Variants in IL4I1 observed in about 807,000 individuals in gnomAD.
IL4I1 encodes L-amino-acid oxidase.
Under a neutral mutation model 29.7 loss-of-function variants are expected in IL4I1, and 24 were observed. The observed-to-expected ratio is 0.81, with a 90% confidence interval of 0.59 to 1.14. IL4I1 has a LOEUF of 1.14. Ranked by LOEUF, IL4I1 falls within the 50% of genes most tolerant of loss-of-function variation. The pLI, the probability that IL4I1 is intolerant of heterozygous loss-of-function variation, is 0.00. For synonymous variants in IL4I1, 371 were observed against 352.5 expected (o/e 1.05, Z -0.59); for missense variants, 686 against 785.6 (o/e 0.87, Z 1.52).
chr19:49,908,719 G>A lies in IL4I1; in HGVS notation c.-227-4398C>T, dbSNP rs200401570. The stretch of plus-strand genomic sequence containing the variant: ...TCTTTTCTCCATTCTCGATCAGCGT[G>A]CGGTCCCAGGCGTTGACCTGGGTGG... On this transcript the variant is annotated intron_variant, in intron 2 of 9. Transcript: ENST00000341114. 18 of 1,612,846 alleles carry A rather than the reference G, an allele frequency of 1.1e-5. No homozygotes were observed. The highest frequency in any genetic ancestry group is 1.5e-5 in the Non-Finnish European group (18 of 1,180,050).
intron 3 of IL4I1, among the ~76,000 whole-genome samples, chr19:49,903,696 T>C (rs2075290197): frequency 6.6e-6 from 1 of 152,174 alleles, no homozygotes; most frequent in African/African-American, 2.4e-5. Flanking sequence ...ATTTACATTT[T>C]CAGGAGTTTT....
chr19:49,913,392 AC>A (rs1236656552), intron 2 of IL4I1, among the ~76,000 whole-genome samples: 1 of 152,008 alleles, frequency 6.6e-6, no homozygotes, highest in African/African-American at 2.4e-5. Context: ...GCCCCAGGCC[AC>A]TCTAGAGAGT....
At chr19:49,910,891 G>A (rs1376693542) in intron 2 of IL4I1, among the ~76,000 whole-genome samples, 3 of 152,152 alleles carry the variant, frequency 2.0e-5, no homozygotes, top group African/African-American at 2.4e-5. Context: ...GTGAGAGGGA[G>A]TGCTGAATAG....
intron 2 of IL4I1, among the ~76,000 whole-genome samples, chr19:49,925,930 C>T (rs1024317251): frequency 1.3e-5 from 2 of 152,118 alleles, no homozygotes; most frequent in South Asian, 4.1e-4. Context: ...AAATAACCCC[C>T]TTGGGTACGG....
At chr19:49,929,304 C>T (rs1450383031) in intron 1 of IL4I1, 6 of 154,554 alleles carry the variant, frequency 3.9e-5, no homozygotes, top group African/African-American at 1.4e-4. Context: ...CCTTTGTGCC[C>T]CCGGCCCGTC....
intron 5 of IL4I1, among the ~76,000 whole-genome samples, chr19:49,893,853 GGCGGGCGCCTGTAATCCCA>G (rs1282918624): frequency 6.6e-6 from 1 of 151,932 alleles, no homozygotes. Flanking sequence ...TGGGCGTGGT[GGCGGGCGCCTGTAATCCCA>G]GCTACTCGGG....
intron 1 of IL4I1, chr19:49,927,916 G>C (rs1326074667): frequency 6.6e-6 from 1 of 152,266 alleles, no homozygotes; most frequent in African/African-American, 2.4e-5. Context: ...CGAAAACGGA[G>C]ATCTTCCATT....
At chr19:49,891,670 G>A (rs2075141556) in intron 5 of IL4I1, among the ~76,000 whole-genome samples, 197 bp from the exon 6 acceptor site, 1 of 152,206 alleles carries the variant, frequency 6.6e-6, no homozygotes, top group Non-Finnish European at 1.5e-5. Context: ...CTGCTCCTCC[G>A]ATATTACCGA....
At chr19:49,892,504 C>T (rs2075152576) in intron 5 of IL4I1, among the ~76,000 whole-genome samples, 2 of 152,208 alleles carry the variant, frequency 1.3e-5, no homozygotes, top group African/African-American at 4.8e-5. Flanking sequence ...GTTCTGTGAA[C>T]AGTGTACAGT....
chr19:49,896,493 G>C (rs917156483), intron 1 of IL4I1, among the ~76,000 whole-genome samples: 5 of 151,634 alleles, frequency 3.3e-5, no homozygotes, highest in Non-Finnish European at 7.4e-5. Context: ...GGAGTGCAGT[G>C]GTAAGATCTT....
chr19:49,917,416 C>T (rs904954791), intron 2 of IL4I1, among the ~76,000 whole-genome samples: 1 of 152,224 alleles, frequency 6.6e-6, no homozygotes, highest in South Asian at 2.1e-4. Context: ...GAAAATCCCC[C>T]TAAACCTTGA....
intron 2 of IL4I1, chr19:49,909,535 C>T (rs762100416): frequency 1.2e-6 from 2 of 1,614,168 alleles, no homozygotes; most frequent in Non-Finnish European, 8.5e-7. Flanking sequence ...AAGCACCGAT[C>T]CCCAAAGAAA....
chr19:49,903,471 G>A (rs997605090), intron 3 of IL4I1, among the ~76,000 whole-genome samples: 7 of 152,186 alleles, frequency 4.6e-5, no homozygotes, highest in Admixed American at 1.3e-4. Flanking sequence ...GGGAACAGCC[G>A]GGGTCACTGA....
chr19:49,917,447 C>A (rs189514687), intron 2 of IL4I1, among the ~76,000 whole-genome samples: 50 of 152,384 alleles, frequency 3.3e-4, no homozygotes, highest in African/African-American at 1.2e-3. Context: ...AGCTCCAAGT[C>A]TGCCCTTCAA....
At chr19:49,904,433 T>C (rs2075297727) in intron 2 of IL4I1, 1 of 151,958 alleles carries the variant, frequency 6.6e-6, no homozygotes, top group Admixed American at 6.5e-5. Context: ...AGGAGGCCTG[T>C]TGGGACCATT....
rs753469430 is a variant in IL4I1 at position 49,895,185 on chromosome 19, G to A, written c.253-5C>T. On this transcript the variant is annotated splice_region_variant and splice_polypyrimidine_tract_variant and intron_variant, in intron 3 of 7. Coordinates refer to ENST00000391826, the MANE Select transcript of IL4I1 (RefSeq NM_152899.2). ...ATCTGCCTCCAGGATGGTGACCTGA[G>A]GGAGTCCGTGGGGCGAGGAGGGCCC... 10 of 1,611,694 alleles carry A rather than the reference G, an allele frequency of 6.2e-6. No homozygotes were observed. Among genetic ancestry groups the A allele is most frequent in the Non-Finnish European group, 8.5e-6 (10 of 1,178,210 alleles).
upstream of IL4I1, among the ~76,000 whole-genome samples, chr19:49,899,984 A>G (rs1181577323): frequency 1.3e-5 from 2 of 151,608 alleles, no homozygotes; most frequent in Non-Finnish European, 2.9e-5. Context: ...ACAGGTGCAC[A>G]CCACCATGCA....
chr19:49,902,405 G>C (rs918951135), intron 3 of IL4I1, among the ~76,000 whole-genome samples: 32 of 150,224 alleles, frequency 2.1e-4, no homozygotes, highest in Admixed American at 2.1e-3. Flanking sequence ...AGTTGCCCAG[G>C]CTGGAGTGCA....
At chr19:49,925,316 A>C (rs1305477104) in intron 2 of IL4I1, among the ~76,000 whole-genome samples, 1 of 151,694 alleles carries the variant, frequency 6.6e-6, no homozygotes, top group Non-Finnish European at 1.5e-5. Flanking sequence ...GGCCGGGCAC[A>C]GTGGCTCAGG....
Sources: allele counts gnomAD v4.1 joint callset (sites outside exome capture counted in the v4.1 genomes callset), GRCh38; gene constraint gnomAD v4.1.1; transcripts MANE v1.5; gene names NCBI Gene and HGNC (gene_info 2026-07-23, HGNC 2026-07-21).